Variants in HEPH observed in about 807,000 individuals in gnomAD.
HEPH encodes the protein hephaestin.
Under a neutral mutation model 80.8 loss-of-function variants are expected in HEPH, and 69 were observed. That is an observed-to-expected ratio of 0.85 (90% CI 0.70 to 1.04). The LOEUF is 1.04. Ranked by LOEUF, HEPH falls within the 50% of genes least tolerant of loss-of-function variation. HEPH has a pLI of 0.00. For missense variants in HEPH, 1,115 were observed against 891.3 expected (o/e 1.25, Z -3.20); for synonymous variants, 431 against 322.8 (o/e 1.34, Z -3.60).
chrX:66,207,160 G>T, intron 13 of HEPH, 35 bp from the exon 14 acceptor site: 2 of 1,186,943 alleles, frequency 1.7e-6, no homozygotes, highest in African/African-American at 3.6e-5. Context: ...GGGGTTGATG[G>T]CCAGGTGCTG....
chrX:66,220,115 G>A lies in HEPH; in HGVS notation c.2563+11869G>A, dbSNP rs771766894. ...TTATCAGGGTGATTCTTTTGAGCCA[G>A]GAATTCATCAGGAACTGGGTCTGTA... On this transcript the variant is annotated intron_variant, in intron 15 of 20. Coordinates refer to ENST00000343002, the MANE Select transcript of HEPH (RefSeq NM_001367233.3). Among the ~76,000 whole-genome samples, 14 of 111,258 alleles carry A rather than the reference G, an allele frequency of 1.3e-4. 1 individual carries two copies. The highest frequency in any genetic ancestry group is 4.8e-4 in the Admixed American group (5 of 10,449).
rs1569321390 is a variant in HEPH, at chrX:66,198,972, A to G, written c.1808A>G (p.Asp603Gly). 1.7e-6 allele frequency: 2 copies of G among 1,210,512 alleles called. No homozygotes were observed. Among genetic ancestry groups the G allele is most frequent in the Non-Finnish European group, 2.2e-6 (2 of 894,353 alleles). The change falls in exon 11 of 21, where the codon GAT (aspartate) becomes GGT (glycine). Residue 603 changes from aspartate to glycine, a missense_variant. Transcript: ENST00000343002. ...GCCAATCAAGCAGCTGCTATGTTGGATTTCCGACTGCTTTCAGAGGATATT... is the reference window on the plus strand; with the variant it reads ...GCCAATCAAGCAGCTGCTATGTTGGGTTTCCGACTGCTTTCAGAGGATATT... ...SNANQAAAML[D>G]FRLLSEDIEG...
At chrX:66,212,928 T>C (rs2089207886) in intron 15 of HEPH, among the ~76,000 whole-genome samples, 3 of 111,138 alleles carry the variant, frequency 2.7e-5, no homozygotes, top group Admixed American at 1.9e-4. Context: ...AATATGGTCA[T>C]TTTAATGATA....
rs761543978 is a variant in HEPH at position 66,193,571 on chromosome X, A to T, written c.1302A>T (p.Glu434Asp). The change falls in exon 8 of 21, where the codon GAA becomes GAT. Residue 434 changes from glutamate (E) to aspartate (D), a missense_variant. By Grantham distance (45) the Glu-to-Asp change is conservative (BLOSUM62 2). Transcript: ENST00000343002. ...GCACTTACTGGAAAGTGCGATATGA[A>T]GCCTTTCAAGATGAGACATTCCAAG... ...IGGTYWKVRY[E>D]AFQDETFQEK... 9.2e-6 allele frequency: 11 copies of T among 1,191,411 alleles called. No individual in the cohort carries two copies. Among genetic ancestry groups the T allele is most frequent in the Admixed American group, 6.7e-5 (3 of 45,018 alleles).
chrX:66,263,793 A>C, intron 20 of HEPH, 105 bp downstream of exon 20: 1 of 748,130 alleles, frequency 1.3e-6, no homozygotes, highest in Non-Finnish European at 2.0e-6. Flanking sequence ...TGAGAGTTAG[A>C]ATACATCAGC....
chrX:66,211,423 G>T (rs73630913), intron 15 of HEPH, among the ~76,000 whole-genome samples: 6,907 of 110,869 alleles, frequency 0.062, 491 homozygotes, highest in African/African-American at 0.21. Flanking sequence ...ATCAAACATT[G>T]AATTCATTCC....
intron 15 of HEPH, among the ~76,000 whole-genome samples, chrX:66,211,524 C>T (rs1017314989): frequency 1.8e-5 from 2 of 111,501 alleles, no homozygotes; most frequent in Non-Finnish European, 3.8e-5. Context: ...CTGTTATCTA[C>T]CTTTCCACTC....
chrX:66,248,811 C>T (rs2090906924), intron 15 of HEPH, among the ~76,000 whole-genome samples: 1 of 111,926 alleles, frequency 8.9e-6, no homozygotes, highest in Non-Finnish European at 1.9e-5. Flanking sequence ...TAATCGGCTT[C>T]AGTACTATCT....
intron 4 of HEPH, among the ~76,000 whole-genome samples, chrX:66,186,752 G>T (rs1411947797): frequency 8.9e-6 from 1 of 112,172 alleles, no homozygotes; most frequent in Non-Finnish European, 1.9e-5. Flanking sequence ...TGTGCTTCTT[G>T]TATTTGGATG....
intron 15 of HEPH, among the ~76,000 whole-genome samples, chrX:66,248,391 T>G (rs1405025825): frequency 2.7e-5 from 3 of 112,070 alleles, no homozygotes; most frequent in Non-Finnish European, 5.6e-5. Context: ...CACCTGCCCA[T>G]TCGGCACTTA....
intron 4 of HEPH, among the ~76,000 whole-genome samples, chrX:66,180,928 A>G (rs1390255711): frequency 1.0e-5 from 1 of 96,378 alleles, no homozygotes; most frequent in African/African-American, 3.9e-5. Context: ...ATTCCCACCT[A>G]TGAGTGAGAA....
chrX:66,215,310 A>G (rs1408825370), intron 15 of HEPH, among the ~76,000 whole-genome samples: 1 of 110,584 alleles, frequency 9.0e-6, no homozygotes, highest in Non-Finnish European at 1.9e-5. Flanking sequence ...GAACTCCCTT[A>G]TTAGTTTTAC....
intron 15 of HEPH, among the ~76,000 whole-genome samples, chrX:66,231,190 T>C (rs2090122446): frequency 9.2e-6 from 1 of 109,197 alleles, no homozygotes; most frequent in Non-Finnish European, 1.9e-5. Context: ...CCTTGTAGTA[T>C]AGTTTGAAGT....
intron 18 of HEPH, among the ~76,000 whole-genome samples, chrX:66,259,696 T>C (rs966190261): frequency 3.7e-5 from 4 of 106,756 alleles, no homozygotes; most frequent in African/African-American, 1.4e-4. Flanking sequence ...TCATTGGAGA[T>C]ATGAATAAAG....
chrX:66,239,074 C>G (rs968187840), intron 15 of HEPH, among the ~76,000 whole-genome samples: 2 of 112,401 alleles, frequency 1.8e-5, no homozygotes, highest in African/African-American at 6.5e-5. Context: ...TTATGGCCAT[C>G]ATGAACATCA....
chrX:66,245,488 T>G (rs531635953), intron 15 of HEPH, among the ~76,000 whole-genome samples: 1 of 111,285 alleles, frequency 9.0e-6, no homozygotes, highest in South Asian at 3.9e-4. Flanking sequence ...AGCAAGTCCT[T>G]AGAGACCTAC....
chrX:66,256,968 A>T (rs1569412800), intron 17 of HEPH, among the ~76,000 whole-genome samples: 1 of 112,130 alleles, frequency 8.9e-6, no homozygotes, highest in Non-Finnish European at 1.9e-5. Flanking sequence ...CAAAAACAAG[A>T]GAAAGAGGGG....
intron 4 of HEPH, among the ~76,000 whole-genome samples, chrX:66,186,681 A>C (rs1371198549): frequency 2.7e-5 from 3 of 111,292 alleles, no homozygotes; most frequent in Non-Finnish European, 5.7e-5. Context: ...TCACGCTGGG[A>C]GCTGTAGACC....
chrX:66,212,059 A>G (rs2089158130), intron 15 of HEPH, among the ~76,000 whole-genome samples: 2 of 110,031 alleles, frequency 1.8e-5, no homozygotes, highest in African/African-American at 6.6e-5. Context: ...ATGATCTGTC[A>G]TTGTGGTTTT....
Sources: gnomAD v4.1 joint callset for allele counts (sites outside exome capture counted in the v4.1 genomes callset) on GRCh38, gnomAD v4.1.1 for gene constraint, MANE v1.5 for transcripts, NCBI Gene and HGNC (gene_info 2026-07-23, HGNC 2026-07-21) for gene names.